The following PALM2AKAP2 variants were observed in gnomAD, a reference collection of about 807,000 sequenced individuals.
PALM2AKAP2 encodes PALM2 and AKAP2 fusion.
In PALM2AKAP2, 37 loss-of-function variants were observed where a neutral mutation model predicts 71.5. That is an observed-to-expected ratio of 0.52 (90% CI 0.40 to 0.68). The LOEUF (loss-of-function observed/expected upper bound fraction) is 0.68, where lower values mean the gene tolerates loss of function less well. PALM2AKAP2 is among the 30% of genes least tolerant of loss of function. PALM2AKAP2 has a pLI of 0.00. For missense variants in PALM2AKAP2, 1,224 were observed against 1,191.8 expected (o/e 1.03, Z -0.40); for synonymous variants, 468 against 478.8 (o/e 0.98, Z 0.29).
Position 109,887,680 on chromosome 9 carries a change from T to TTGC in PALM2AKAP2, c.257+7003_257+7005dup, listed in dbSNP as rs1158672789. Among the ~76,000 whole-genome samples, 22 of 69,042 alleles carry TTGC rather than the reference T, an allele frequency of 3.2e-4. 1 individual carries two copies. The Admixed American group carries it at 4.2e-3, about 13-fold the overall frequency. 45.3% of individuals were successfully genotyped at this position (69,042 alleles called of 152,430 possible). ...AGAGAAGCACAGGAGGTGAAGTAAC[T>TTGC]TGCTGCCCCCCCCTAAAAAAATTCA... On this transcript the variant is annotated intron_variant, in intron 3 of 9. Coordinates refer to the PALM2AKAP2 transcript ENST00000302798.
At chr9:109,954,185 G>A (rs1419658598) in intron 6 of PALM2AKAP2, among the ~76,000 whole-genome samples, 2 of 152,144 alleles carry the variant, frequency 1.3e-5, no homozygotes, top group Non-Finnish European at 2.9e-5. Flanking sequence ...GTCTAGGAGT[G>A]GCACGTCAGT....
At chr9:109,786,264 T>C (rs1415844767) in intron 1 of PALM2AKAP2, among the ~76,000 whole-genome samples, 5 of 152,216 alleles carry the variant, frequency 3.3e-5, no homozygotes, top group Non-Finnish European at 7.3e-5. Context: ...GGGCAAAAAG[T>C]CCTTGCAATG....
chr9:109,950,478 A>T (rs1005261653), intron 6 of PALM2AKAP2, among the ~76,000 whole-genome samples: 2 of 151,210 alleles, frequency 1.3e-5, no homozygotes, highest in Non-Finnish European at 3.0e-5. Context: ...CTTCCCTATC[A>T]CACTCAGTTT....
intron 6 of PALM2AKAP2, among the ~76,000 whole-genome samples, chr9:109,991,599 C>T (rs1185971146): frequency 6.6e-6 from 1 of 152,150 alleles, no homozygotes; most frequent in Non-Finnish European, 1.5e-5. Flanking sequence ...TTCGAAGATT[C>T]TCAAAGGGAG....
chr9:109,689,914 A>G (rs1587868993), intron 1 of PALM2AKAP2, among the ~76,000 whole-genome samples: 2 of 152,334 alleles, frequency 1.3e-5, no homozygotes, highest in East Asian at 3.9e-4. Context: ...AATGACTCCC[A>G]GGGGAGGAGT....
At chr9:109,955,184 A>G (rs928313189) in intron 6 of PALM2AKAP2, among the ~76,000 whole-genome samples, 15 of 152,218 alleles carry the variant, frequency 9.9e-5, no homozygotes, top group African/African-American at 3.4e-4. Context: ...TAGCAAGATA[A>G]CAGCAGACTC....
At chr9:110,051,278 G>C (rs1283012088) in intron 1 of PALM2AKAP2, among the ~76,000 whole-genome samples, 1 of 152,174 alleles carries the variant, frequency 6.6e-6, no homozygotes, top group Non-Finnish European at 1.5e-5. Context: ...GTAGCCTCAG[G>C]ACCTCTGGCT....
At chr9:109,725,750 A>G (rs1285305789) in intron 1 of PALM2AKAP2, among the ~76,000 whole-genome samples, 1 of 152,244 alleles carries the variant, frequency 6.6e-6, no homozygotes, top group Non-Finnish European at 1.5e-5. Flanking sequence ...CAATGTGTAC[A>G]ATAATTCCAA....
At chr9:110,010,996 C>CAAAAAA (rs754903953) in intron 6 of PALM2AKAP2, among the ~76,000 whole-genome samples, 760 of 54,104 alleles carry the variant, frequency 0.014, 32 homozygotes, top group South Asian at 0.02. Flanking sequence ...AACTCTGTCT[C>CAAAAAA]AAAAAAAAAA....
intron 7 of PALM2AKAP2, among the ~76,000 whole-genome samples, chr9:110,037,285 C>T (rs973788566): frequency 5.3e-5 from 8 of 152,160 alleles, no homozygotes; most frequent in Admixed American, 1.3e-4. Flanking sequence ...ACCGCAACCA[C>T]AACCTCTGCC....
intron 1 of PALM2AKAP2, among the ~76,000 whole-genome samples, chr9:109,828,413 G>A (rs1351875075): frequency 6.6e-6 from 1 of 152,164 alleles, no homozygotes; most frequent in Non-Finnish European, 1.5e-5. Flanking sequence ...ACTAATCCAT[G>A]CATGAAGCTC....
At chr9:109,939,110 C>CT (rs1333175002) in intron 6 of PALM2AKAP2, among the ~76,000 whole-genome samples, 1 of 152,120 alleles carries the variant, frequency 6.6e-6, no homozygotes, top group Non-Finnish European at 1.5e-5. Flanking sequence ...ATTCACTTTT[C>CT]TTTCCTCCAC....
chr9:109,925,169 T>A, intron 5 of PALM2AKAP2, 87 bp downstream of exon 5: 4 of 1,589,058 alleles, frequency 2.5e-6, no homozygotes, highest in Non-Finnish European at 3.5e-6. Flanking sequence ...AAGGAAGAGG[T>A]ACTGTGTTGA....
chr9:110,076,957 C>T (rs1450623914), intron 1 of PALM2AKAP2, among the ~76,000 whole-genome samples: 7 of 152,176 alleles, frequency 4.6e-5, no homozygotes, highest in Admixed American at 4.6e-4. Flanking sequence ...GAGGCTGTCA[C>T]GCAATGTATA....
chr9:109,817,997 G>C (rs1827894372), intron 1 of PALM2AKAP2, among the ~76,000 whole-genome samples: 1 of 152,178 alleles, frequency 6.6e-6, no homozygotes, highest in Non-Finnish European at 1.5e-5. Context: ...ATAGAAATGC[G>C]CTGATAACTG....
intron 7 of PALM2AKAP2, among the ~76,000 whole-genome samples, chr9:110,022,609 G>C (rs1197410199): frequency 1.3e-5 from 2 of 150,376 alleles, no homozygotes; most frequent in African/African-American, 4.9e-5. Context: ...TTAAGTTTTA[G>C]GGTACATGTG....
At chr9:109,643,666 A>G (rs752475314) in intron 1 of PALM2AKAP2, among the ~76,000 whole-genome samples, 1 of 152,028 alleles carries the variant, frequency 6.6e-6, no homozygotes, top group African/African-American at 2.4e-5. Flanking sequence ...TCCCTAATCA[A>G]CTTGGCCTCA....
intron 1 of PALM2AKAP2, among the ~76,000 whole-genome samples, chr9:109,795,924 G>A (rs1053076225): frequency 2.6e-5 from 4 of 152,214 alleles, no homozygotes; most frequent in Non-Finnish European, 5.9e-5. Flanking sequence ...CTGTTGATGG[G>A]AATAGAAGTC....
At chr9:109,999,931 C>T (rs781639973) in intron 6 of PALM2AKAP2, among the ~76,000 whole-genome samples, 2 of 150,196 alleles carry the variant, frequency 1.3e-5, no homozygotes, top group African/African-American at 2.5e-5. Flanking sequence ...GTAGATTCTT[C>T]CTTTTCTTTC....
Sources: gnomAD v4.1 joint callset for allele counts (sites outside exome capture counted in the v4.1 genomes callset) on GRCh38, gnomAD v4.1.1 for gene constraint, MANE v1.5 for transcripts, NCBI Gene and HGNC (gene_info 2026-07-23, HGNC 2026-07-21) for gene names.